Variants in NCKAP5 observed in about 807,000 individuals in gnomAD.
NCKAP5 encodes NCK associated protein 5, also known as nck-associated protein 5.
A neutral mutation model predicts 167.0 loss-of-function variants in NCKAP5; 92 were observed. The observed-to-expected ratio is 0.55, with a 90% CI of 0.47 to 0.66. The LOEUF (loss-of-function observed/expected upper bound fraction) is 0.66, where lower values mean the gene tolerates loss of function less well. Among genes scored for constraint, NCKAP5 ranks in the 30% least tolerant of loss-of-function variants. The pLI is 0.00. For missense variants in NCKAP5, 2,378 were observed against 2,315.0 expected (o/e 1.03, Z -0.56); for synonymous variants, 891 against 877.4 (o/e 1.02, Z -0.27).
the NCKAP5 span, among the ~76,000 whole-genome samples, chr2:133,656,980 T>A: frequency 6.7e-6 from 1 of 150,168 alleles, no homozygotes; most frequent in Non-Finnish European, 1.5e-5. Context: ...TGTGTTTGCA[T>A]CCTCATAGCT....
At chr2:133,274,242 T>A (rs1262582555) in intron 4 of NCKAP5, among the ~76,000 whole-genome samples, 1 of 151,944 alleles carries the variant, frequency 6.6e-6, no homozygotes, top group East Asian at 1.9e-4. Flanking sequence ...TCTTAAGATA[T>A]GTACCAAATT....
chr2:133,652,072 A>C, the NCKAP5 span, among the ~76,000 whole-genome samples: 4 of 152,208 alleles, frequency 2.6e-5, no homozygotes, highest in African/African-American at 9.6e-5. Context: ...CAAGTCCACA[A>C]GACTACTCAG....
At chr2:132,945,536 G>C (rs1482560879) in intron 8 of NCKAP5, among the ~76,000 whole-genome samples, 1 of 152,022 alleles carries the variant, frequency 6.6e-6, no homozygotes, top group Non-Finnish European at 1.5e-5. Flanking sequence ...TATCCTATCA[G>C]CTGGATGCGT....
At chr2:133,524,864 T>C (rs1233969383) in intron 2 of NCKAP5, among the ~76,000 whole-genome samples, 1 of 152,014 alleles carries the variant, frequency 6.6e-6, no homozygotes, top group Non-Finnish European at 1.5e-5. Context: ...TGGGTAAGGG[T>C]GTGTTTGTGC....
In NCKAP5 at chr2:133,440,735, A is replaced by AAAG. The variant is rs1690791894; in HGVS notation, c.69+76722_69+76723insCTT. On this transcript the variant is annotated intron_variant, in intron 3 of 19. Coordinates refer to ENST00000409261, the MANE Select transcript of NCKAP5 (RefSeq NM_207363.3). ...AAAAAAAAAAAAAAAAAAAAAAAAA[A>AAAG]GGAAAGATTTTAGAATATGAGAGGC... 2.0e-5 allele frequency among the ~76,000 whole-genome samples: 3 copies of AAAG among 147,758 alleles called. No homozygotes were observed. In the South Asian group the frequency reaches 6.6e-4, roughly 32 times the overall value.
At chr2:132,991,958 G>A (rs1053951242) in intron 7 of NCKAP5, among the ~76,000 whole-genome samples, 7 of 152,314 alleles carry the variant, frequency 4.6e-5, no homozygotes, top group African/African-American at 1.4e-4. Flanking sequence ...GTGAGATGAA[G>A]GGGATCTCCC....
intron 3 of NCKAP5, among the ~76,000 whole-genome samples, chr2:133,478,016 A>T (rs1210708472): frequency 6.6e-6 from 1 of 152,216 alleles, no homozygotes; most frequent in Non-Finnish European, 1.5e-5. Flanking sequence ...GCTGAGATTT[A>T]TATGACATTC....
At chr2:133,182,039 T>C (rs1334128564) in intron 5 of NCKAP5, among the ~76,000 whole-genome samples, 1 of 152,100 alleles carries the variant, frequency 6.6e-6, no homozygotes, top group Non-Finnish European at 1.5e-5. Context: ...AATTATAAAA[T>C]GGTCTATTCA....
chr2:133,295,911 C>G (rs938221364), intron 4 of NCKAP5, among the ~76,000 whole-genome samples: 2 of 152,098 alleles, frequency 1.3e-5, no homozygotes, highest in Non-Finnish European at 2.9e-5. Context: ...TTCTTCATTA[C>G]CTTAAGGTTT....
At chr2:132,916,858 G>A (rs1694920750) in intron 8 of NCKAP5, among the ~76,000 whole-genome samples, 1 of 152,178 alleles carries the variant, frequency 6.6e-6, no homozygotes, top group Admixed American at 6.5e-5. Flanking sequence ...GAATAACCCA[G>A]TTTGTAGCTG....
At chr2:133,137,266 C>T (rs2082821148) in intron 5 of NCKAP5, among the ~76,000 whole-genome samples, 1 of 152,084 alleles carries the variant, frequency 6.6e-6, no homozygotes, top group Non-Finnish European at 1.5e-5. Flanking sequence ...AACCCGTACT[C>T]TTGGCTGTAA....
chr2:132,982,017 C>T (rs561206477), intron 7 of NCKAP5, among the ~76,000 whole-genome samples: 83 of 152,274 alleles, frequency 5.5e-4, no homozygotes, highest in Middle Eastern at 3.4e-3. Flanking sequence ...TCATGATTTT[C>T]TCCAATGCTA....
intron 3 of NCKAP5, among the ~76,000 whole-genome samples, chr2:133,498,433 C>CGAAA (rs56793576): frequency 2.0e-5 from 2 of 100,384 alleles, no homozygotes; most frequent in African/African-American, 7.8e-5. Context: ...ATGAGAAAAA[C>CGAAA]GGAAGGAAGG....
chr2:132,849,556 C>T lies in NCKAP5; in HGVS notation c.807+10936G>A, dbSNP rs548580529. The stretch of plus-strand genomic sequence containing the variant: ...CTGAGCAAACAGATCATTTGTTGCA[C>T]CTCCCTGTTCCCCTGCCACAGAGAT... On this transcript the variant is annotated intron_variant, in intron 11 of 19. Coordinates refer to ENST00000409261, the MANE Select transcript of NCKAP5 (RefSeq NM_207363.3). 3.7e-4 allele frequency among the ~76,000 whole-genome samples: 57 copies of T among 152,270 alleles called. No homozygotes were observed. In the South Asian group the frequency reaches 7.7e-3, roughly 21 times the overall value.
chr2:133,466,126 G>T (rs1187298581), intron 3 of NCKAP5, among the ~76,000 whole-genome samples: 3 of 144,482 alleles, frequency 2.1e-5, no homozygotes, highest in African/African-American at 7.7e-5. Context: ...TTTCTTCTAG[G>T]GTTTTTATGG....
chr2:132,762,892 A>T (rs577717199), intron 16 of NCKAP5, among the ~76,000 whole-genome samples: 1 of 152,318 alleles, frequency 6.6e-6, no homozygotes, highest in African/African-American at 2.4e-5. Context: ...ACTCAAAGGA[A>T]TTGCCAGTGG....
intron 3 of NCKAP5, among the ~76,000 whole-genome samples, chr2:133,406,695 C>G (rs1273436824): frequency 6.6e-6 from 1 of 152,164 alleles, no homozygotes; most frequent in Non-Finnish European, 1.5e-5. Flanking sequence ...AGTTGGGAAT[C>G]TGTCTGGGGT....
chr2:132,687,756 C>CACAT (rs1558922334), intron 19 of NCKAP5, among the ~76,000 whole-genome samples: 1 of 139,504 alleles, frequency 7.2e-6, no homozygotes, highest in South Asian at 2.1e-4. Context: ...CACACACACA[C>CACAT]CCTTCCTCTG....
At chr2:133,178,956 A>C (rs2084608958) in intron 5 of NCKAP5, among the ~76,000 whole-genome samples, 1 of 152,014 alleles carries the variant, frequency 6.6e-6, no homozygotes, top group African/African-American at 2.4e-5. Flanking sequence ...ACTTGAGGCC[A>C]GGAATTCAAA....
Sources: gnomAD v4.1 joint callset for allele counts (sites outside exome capture counted in the v4.1 genomes callset) on GRCh38, gnomAD v4.1.1 for gene constraint, MANE v1.5 for transcripts, NCBI Gene and HGNC (gene_info 2026-07-23, HGNC 2026-07-21) for gene names.